The following PLXNA4 variants were observed in gnomAD, a reference collection of about 807,000 sequenced individuals.
The protein encoded by PLXNA4 is plexin-A4.
PLXNA4 carries 44 observed loss-of-function variants against 191.8 expected under a neutral mutation model. That is an observed-to-expected ratio of 0.23 (90% confidence interval 0.18 to 0.29). The LOEUF (loss-of-function observed/expected upper bound fraction) is 0.29, where lower values mean the gene tolerates loss of function less well. Among genes scored for constraint, PLXNA4 ranks in the 10% least tolerant of loss-of-function variants. The pLI is 1.00. For synonymous variants in PLXNA4, 1,082 were observed against 1,009.5 expected (o/e 1.07, Z -1.36); for missense variants, 1,800 against 2,488.8 (o/e 0.72, Z 5.89).
At chr7:132,342,354 T>G (rs886287139) in intron 3 of PLXNA4, among the ~76,000 whole-genome samples, 4 of 151,750 alleles carry the variant, frequency 2.6e-5, no homozygotes, top group African/African-American at 7.3e-5. Context: ...ATAAAGGTTC[T>G]GTGAATATAA....
At chr7:132,330,398 C>G (rs889787870) in intron 3 of PLXNA4, among the ~76,000 whole-genome samples, 3 of 152,182 alleles carry the variant, frequency 2.0e-5, no homozygotes, top group Non-Finnish European at 4.4e-5. Flanking sequence ...CCAGTAATCA[C>G]TGAGTAAAAT....
intron 3 of PLXNA4, among the ~76,000 whole-genome samples, chr7:132,443,731 G>A (rs1292354011): frequency 1.3e-5 from 2 of 152,208 alleles, no homozygotes; most frequent in Non-Finnish European, 2.9e-5. Context: ...GCTATTGAAG[G>A]ATTCAGCAGA....
chr7:132,444,017 G>A (rs567225686), intron 3 of PLXNA4, among the ~76,000 whole-genome samples: 9 of 152,266 alleles, frequency 5.9e-5, no homozygotes, highest in East Asian at 1.9e-4. Context: ...TTCTTTCTCT[G>A]CAAATGCCTG....
At chr7:132,213,168 G>A (rs1404316011) in intron 9 of PLXNA4, among the ~76,000 whole-genome samples, 1 of 152,126 alleles carries the variant, frequency 6.6e-6, no homozygotes, top group Admixed American at 6.5e-5. Context: ...ATACTGCAGG[G>A]TTCCACTTGT....
At chr7:132,235,049 T>C (rs577549624) in intron 5 of PLXNA4, among the ~76,000 whole-genome samples, 41 of 152,322 alleles carry the variant, frequency 2.7e-4, no homozygotes, top group Admixed American at 9.8e-4. Context: ...AAGTGGACAT[T>C]GGCATGGCTG....
chr7:132,400,674 C>G (rs1054586331), intron 3 of PLXNA4, among the ~76,000 whole-genome samples: 32 of 152,146 alleles, frequency 2.1e-4, no homozygotes, highest in African/African-American at 7.2e-4. Context: ...ATGCATACCA[C>G]GCATTTACTT....
chr7:132,562,134 T>TC (rs1275180883), intron 1 of PLXNA4, among the ~76,000 whole-genome samples: 2 of 80,778 alleles, frequency 2.5e-5, no homozygotes, highest in East Asian at 4.3e-4. Context: ...CTCCTCCTTC[T>TC]CTCCTTCTCC....
At chr7:132,409,017 T>C (rs1190797280) in intron 3 of PLXNA4, among the ~76,000 whole-genome samples, 1 of 152,132 alleles carries the variant, frequency 6.6e-6, no homozygotes, top group Non-Finnish European at 1.5e-5. Context: ...GCAGCGAAAC[T>C]ATGCTACAAG....
intron 1 of PLXNA4, among the ~76,000 whole-genome samples, chr7:132,546,315 T>C (rs1018865912): frequency 1.3e-5 from 2 of 152,210 alleles, no homozygotes; most frequent in Non-Finnish European, 2.9e-5. Flanking sequence ...TAGGGATCCC[T>C]TTCATATGGT....
chr7:132,628,631 T>G (rs1803431455), intron 2 of PLXNA4, among the ~76,000 whole-genome samples: 2 of 152,092 alleles, frequency 1.3e-5, no homozygotes, highest in African/African-American at 4.8e-5. Context: ...GGATTTTCTT[T>G]ATTTTTCTCT....
At chr7:132,394,403 A>G (rs1014527227) in intron 3 of PLXNA4, among the ~76,000 whole-genome samples, 2 of 152,242 alleles carry the variant, frequency 1.3e-5, no homozygotes, top group Non-Finnish European at 2.9e-5. Context: ...ATTAAGAGTT[A>G]GGAACCTGGG....
At chr7:132,576,995 CG>C (rs1802273325), upstream of PLXNA4, 1 of 145,538 alleles carries the variant, frequency 6.9e-6, no homozygotes, top group South Asian at 2.1e-4. This position sits in a 1 kb window ranked among gnomAD's most constrained non-coding sequence, Gnocchi z 5.8. Flanking sequence ...AGCCCGCGGC[CG>C]GCCGCGCCGC....
At chr7:132,205,301 C>A (rs1348312475) in intron 10 of PLXNA4, among the ~76,000 whole-genome samples, 1 of 152,112 alleles carries the variant, frequency 6.6e-6, no homozygotes, top group Non-Finnish European at 1.5e-5. Context: ...TACTAAAATG[C>A]AGATTCCAGG....
rs1025091889 is a variant in PLXNA4, at chr7:132,531,263, T to A, written c.-86-22484A>T. ...CTCTACCACCACAAGAATTTTTAAA[T>A]ACAGACACACTGTAGTCCTCTGCCA... On this transcript the variant is annotated intron_variant, in intron 1 of 31. Transcript: ENST00000321063. Among the ~76,000 whole-genome samples the A allele has an allele frequency of 4.6e-5, 7 of 152,232 alleles. No individual in the cohort carries two copies. In the East Asian group the frequency reaches 1.3e-3, roughly 29 times the overall value.
At chr7:132,593,540 G>T (rs1344707683) in intron 2 of PLXNA4, among the ~76,000 whole-genome samples, 2 of 152,174 alleles carry the variant, frequency 1.3e-5, no homozygotes, top group Non-Finnish European at 2.9e-5. Context: ...AGTCCAGGAG[G>T]ATGGCTCAGG....
chr7:132,631,704 C>T (rs1803493432), intron 2 of PLXNA4, among the ~76,000 whole-genome samples: 1 of 152,182 alleles, frequency 6.6e-6, no homozygotes, highest in East Asian at 1.9e-4. Context: ...CCCCCAACCC[C>T]ATGGTCTCAT....
chr7:132,642,415 G>A (rs1214622966), intron 2 of PLXNA4, among the ~76,000 whole-genome samples: 1 of 151,966 alleles, frequency 6.6e-6, no homozygotes, highest in Non-Finnish European at 1.5e-5. Context: ...ACAGAATGCT[G>A]GGATGAACAG....
At chr7:132,561,137 C>T (rs1801021512) in intron 1 of PLXNA4, among the ~76,000 whole-genome samples, 1 of 152,050 alleles carries the variant, frequency 6.6e-6, no homozygotes, top group South Asian at 2.1e-4. Flanking sequence ...CCCACCTCTG[C>T]CTTGAACTCC....
chr7:132,507,814 C>G lies in PLXNA4; in HGVS notation c.880G>C (p.Val294Leu). 4 of 1,614,196 alleles carry G rather than the reference C, an allele frequency of 2.5e-6. No individual in the cohort carries two copies. Among genetic ancestry groups the G allele is most frequent in the Non-Finnish European group, 3.4e-6 (4 of 1,180,046 alleles). ...CKEDTAFNSY[V>L]EVPIGCERSG... The stretch of plus-strand genomic sequence containing the variant: ...CGCTCACAGCCAATGGGCACCTCTA[C>G]ATAGGAGTTGAAGGCTGTGTCCTCC... Residue 294 changes from valine to leucine, a missense_variant, in exon 2 of 32, where the codon GTA becomes CTA. Physicochemically the swap from Val to Leu is conservative, Grantham distance 32. Coordinates refer to ENST00000321063, the MANE Select transcript of PLXNA4 (RefSeq NM_020911.2).
Sources: allele counts gnomAD v4.1 joint callset (sites outside exome capture counted in the v4.1 genomes callset), GRCh38; gene constraint gnomAD v4.1.1; non-coding constraint Gnocchi (gnomAD v3.1); transcripts MANE v1.5; gene names NCBI Gene and HGNC (gene_info 2026-07-23, HGNC 2026-07-21).